The following SCML2 variants were observed in gnomAD, a reference collection of about 807,000 sequenced individuals.
SCML2 encodes sex comb on midleg-like protein 2.
Under a neutral mutation model 48.4 loss-of-function variants are expected in SCML2, and 6 were observed. That is an observed-to-expected ratio of 0.12 (90% CI 0.07 to 0.24). The LOEUF is 0.24. Among genes scored for constraint, SCML2 ranks in the 10% least tolerant of loss-of-function variants. The pLI is 1.00. For missense variants in SCML2, 377 were observed against 528.2 expected (o/e 0.71, Z 2.81); for synonymous variants, 181 against 189.5 (o/e 0.95, Z 0.37).
intron 7 of SCML2, among the ~76,000 whole-genome samples, chrX:18,296,910 T>G (rs1928412962): frequency 9.0e-6 from 1 of 110,713 alleles, no homozygotes; most frequent in Non-Finnish European, 1.9e-5. Flanking sequence ...AAGGCCAGCA[T>G]TACCCTAATA....
chrX:18,281,320 C>A (rs898054757), intron 7 of SCML2, among the ~76,000 whole-genome samples: 2 of 112,716 alleles, frequency 1.8e-5, no homozygotes, highest in Non-Finnish European at 3.7e-5. Context: ...AAGGAAACAA[C>A]TTACCGAAAT....
intron 11 of SCML2, among the ~76,000 whole-genome samples, chrX:18,256,316 G>C (rs754255109): frequency 9.0e-6 from 1 of 111,119 alleles, no homozygotes; most frequent in Admixed American, 9.6e-5. Flanking sequence ...GCTGGGCATG[G>C]TGGTGGGCGC....
chrX:18,292,195 C>T (rs1201458063), intron 7 of SCML2, among the ~76,000 whole-genome samples: 2 of 110,968 alleles, frequency 1.8e-5, no homozygotes, highest in Non-Finnish European at 3.8e-5. Context: ...CAAGGTTGGC[C>T]AGAGTAGGAA....
At chrX:18,346,320 T>C (rs959857167) in intron 1 of SCML2, among the ~76,000 whole-genome samples, 3 of 111,374 alleles carry the variant, frequency 2.7e-5, no homozygotes, top group African/African-American at 6.5e-5. Context: ...GTTACCATTA[T>C]AGAATTCAGT....
chrX:18,281,965 A>C (rs1210398688), intron 7 of SCML2, among the ~76,000 whole-genome samples: 1 of 109,122 alleles, frequency 9.2e-6, no homozygotes, highest in East Asian at 2.9e-4. Context: ...CTCTACTACA[A>C]ATACAAAATT....
intron 6 of SCML2, among the ~76,000 whole-genome samples, chrX:18,308,355 CAGGGAGGGAGGG>C (rs1196757187): frequency 1.9e-5 from 1 of 51,501 alleles, no homozygotes; most frequent in Non-Finnish European, 3.2e-5. Flanking sequence ...GAGGAAAGGA[CAGGGAGGGAGGG>C]AGGGAGGGAG....
At chrX:18,280,644 G>C (rs1927800337) in intron 7 of SCML2, among the ~76,000 whole-genome samples, 1 of 111,243 alleles carries the variant, frequency 9.0e-6, no homozygotes, top group African/African-American at 3.3e-5. Flanking sequence ...ACACTCATAG[G>C]CTCAAAGTAA....
At chrX:18,319,262 G>A (rs749247708) in intron 6 of SCML2, among the ~76,000 whole-genome samples, 1 of 111,027 alleles carries the variant, frequency 9.0e-6, no homozygotes, top group Non-Finnish European at 1.9e-5. Context: ...GTAGTGGCAC[G>A]CGCCTGTAAT....
At chrX:18,275,178 T>C (rs1356605983) in intron 7 of SCML2, among the ~76,000 whole-genome samples, 1 of 112,521 alleles carries the variant, frequency 8.9e-6, no homozygotes, top group East Asian at 2.8e-4. Context: ...GGGCACATGT[T>C]CTCAGGATCT....
chrX:18,257,067 A>G, intron 10 of SCML2, 37 bp from the exon 11 acceptor site: 1 of 982,125 alleles, frequency 1.0e-6, no homozygotes, highest in South Asian at 2.8e-5. Context: ...GTAACCTCAG[A>G]GAGATGAGAA....
chrX:18,275,304 C>T (rs181849400), intron 7 of SCML2, among the ~76,000 whole-genome samples: 140 of 112,538 alleles, frequency 1.2e-3, no homozygotes, highest in African/African-American at 4.3e-3. Context: ...CATTCTCACT[C>T]TTTCTGTCTT....
chrX:18,247,908 C>CAGT (rs1926508365), intron 11 of SCML2, 26 bp from the exon 12 acceptor site: 1 of 1,066,881 alleles, frequency 9.4e-7, no homozygotes, highest in Non-Finnish European at 1.3e-6. Flanking sequence ...AAACAGTTGT[C>CAGT]TGTTATAACG....
chrX:18,342,350 T>TAA (rs1282550143), intron 1 of SCML2, among the ~76,000 whole-genome samples: 1 of 97,900 alleles, frequency 1.0e-5, no homozygotes. Flanking sequence ...AAGTAAGCCT[T>TAA]AAAAAAAAAA....
chrX:18,322,913 A>C (rs1929368103), intron 5 of SCML2, among the ~76,000 whole-genome samples: 1 of 111,650 alleles, frequency 9.0e-6, no homozygotes, highest in South Asian at 3.8e-4. Flanking sequence ...TATTTTTTAA[A>C]CCAAATTAGT....
chrX:18,285,500 A>G (rs1311461407), intron 7 of SCML2, among the ~76,000 whole-genome samples: 2 of 110,155 alleles, frequency 1.8e-5, no homozygotes, highest in Admixed American at 9.8e-5. Flanking sequence ...AGAGCTAAAC[A>G]CTGAGCACAC....
intron 1 of SCML2, among the ~76,000 whole-genome samples, chrX:18,344,689 T>C (rs185060739): frequency 4.7e-4 from 52 of 111,814 alleles, no homozygotes; most frequent in Non-Finnish European, 2.6e-4. Context: ...AGACATGCCT[T>C]TCACCATGAT....
intron 7 of SCML2, among the ~76,000 whole-genome samples, chrX:18,272,318 C>A (rs1394765283): frequency 8.9e-6 from 1 of 112,103 alleles, no homozygotes; most frequent in Non-Finnish European, 1.9e-5. Context: ...ACAAAATACC[C>A]TTTAAGAACA....
At chrX:18,317,649 G>A (rs948220745) in intron 6 of SCML2, among the ~76,000 whole-genome samples, 31 of 110,066 alleles carry the variant, frequency 2.8e-4, no homozygotes, top group Non-Finnish European at 5.3e-4. Context: ...TGGCTAACAC[G>A]GTGACACCCC....
chrX:18,318,716 T>A (rs1013905510), intron 6 of SCML2, among the ~76,000 whole-genome samples: 4 of 112,282 alleles, frequency 3.6e-5, no homozygotes, highest in Non-Finnish European at 7.5e-5. Flanking sequence ...CACTTCTGAA[T>A]GCAAATAAAA....
Sources: gnomAD v4.1 joint callset for allele counts (sites outside exome capture counted in the v4.1 genomes callset) on GRCh38, gnomAD v4.1.1 for gene constraint, MANE v1.5 for transcripts, NCBI Gene and HGNC (gene_info 2026-07-23, HGNC 2026-07-21) for gene names.